Variants in NCALD observed in about 807,000 individuals in gnomAD.
The protein encoded by NCALD is neurocalcin delta, also known as neurocalcin-delta.
In NCALD, 10 loss-of-function variants were observed where a neutral mutation model predicts 18.6. The observed-to-expected ratio is 0.54, with a 90% CI of 0.33 to 0.91. The LOEUF is 0.91. Ranked by LOEUF, NCALD falls within the 40% of genes least tolerant of loss-of-function variation. The pLI is 0.03. For missense variants in NCALD, 184 were observed against 247.6 expected (o/e 0.74, Z 1.72); for synonymous variants, 88 against 87.4 (o/e 1.01, Z -0.04).
chr8:101,790,809 C>T (rs942704192), intron 1 of NCALD, 53 bp downstream of exon 1: 5 of 152,158 alleles, frequency 3.3e-5, no homozygotes, highest in Non-Finnish European at 7.4e-5. Flanking sequence ...GAGGGGAAAA[C>T]CACAATGAGC....
At chr8:101,899,434 A>G (rs1018386441) in intron 3 of NCALD, among the ~76,000 whole-genome samples, 2 of 152,010 alleles carry the variant, frequency 1.3e-5, no homozygotes, top group Non-Finnish European at 2.9e-5. Flanking sequence ...TATATTGAAT[A>G]GGAGTGGTGA....
chr8:101,717,528 A>G (rs1359328744), intron 2 of NCALD, among the ~76,000 whole-genome samples: 1 of 152,228 alleles, frequency 6.6e-6, no homozygotes, highest in African/African-American at 2.4e-5. Flanking sequence ...ACTCATATTA[A>G]CAAATAGAAC....
rs76395087 is a variant in NCALD at position 102,060,903 on chromosome 8, T to C, written c.-209-40614A>G. Among the ~76,000 whole-genome samples, 99 of 152,318 alleles carry C rather than the reference T, an allele frequency of 6.5e-4. 3 individuals are homozygous for C. The East Asian group carries it at 0.019, about 29-fold the overall frequency. On this transcript the variant is annotated intron_variant, in intron 1 of 6. Coordinates refer to the NCALD transcript ENST00000311028. ...CTTCCAAAACATACCTAAAATTCTC[T>C]TCCATCTCTGCATGGCTTGGCAGCA...
chr8:101,914,366 T>C (rs928184699), intron 3 of NCALD, among the ~76,000 whole-genome samples: 3 of 152,228 alleles, frequency 2.0e-5, no homozygotes, highest in East Asian at 1.9e-4. Flanking sequence ...CAAGGGTACC[T>C]ACTACCAATG....
intron 1 of NCALD, among the ~76,000 whole-genome samples, chr8:101,736,652 C>CA (rs1809931142): frequency 6.6e-6 from 1 of 152,098 alleles, no homozygotes; most frequent in South Asian, 2.1e-4. Flanking sequence ...AGCTATGGCT[C>CA]AGAGTTCAGG....
At chr8:101,986,919 C>T (rs181141733) in intron 2 of NCALD, among the ~76,000 whole-genome samples, 2 of 152,268 alleles carry the variant, frequency 1.3e-5, no homozygotes, top group Admixed American at 6.5e-5. Flanking sequence ...GGAGCGAAGA[C>T]TCTCCAGCAG....
At chr8:101,813,615 T>C (rs887535988) in intron 4 of NCALD, among the ~76,000 whole-genome samples, 11 of 152,122 alleles carry the variant, frequency 7.2e-5, no homozygotes, top group Admixed American at 7.2e-4. Flanking sequence ...AGTGAACATA[T>C]TTTCTATTGG....
In NCALD at chr8:101,692,958, C is replaced by G. The variant is rs528431681; in HGVS notation, c.379-62G>C. On this transcript the variant is annotated intron_variant, in intron 2 of 3. Coordinates refer to ENST00000220931, the MANE Select transcript of NCALD (RefSeq NM_032041.3). ...ACAGTATGGCACACAATAGACCTAT[C>G]ATTAAACCTCCCAAATGCGGGCTGA... The G allele has an allele frequency of 4.0e-5, 49 of 1,212,482 alleles. No individual in the cohort carries two copies. In the African/African-American group the frequency reaches 6.6e-4, roughly 16 times the overall value. 75.1% of individuals were successfully genotyped at this position (1,212,482 alleles called of 1,614,324 possible).
intron 4 of NCALD, among the ~76,000 whole-genome samples, chr8:101,875,979 C>G (rs921514709): frequency 1.3e-5 from 2 of 152,326 alleles, no homozygotes; most frequent in African/African-American, 4.8e-5. Context: ...CCTCTCTTTC[C>G]TCTCAAAATT....
chr8:101,775,865 C>T (rs1369752506), intron 1 of NCALD, among the ~76,000 whole-genome samples: 2 of 152,204 alleles, frequency 1.3e-5, no homozygotes, highest in African/African-American at 4.8e-5. Context: ...ATTAGGATAA[C>T]CTAGCATTTC....
intron 2 of NCALD, among the ~76,000 whole-genome samples, chr8:101,702,142 C>T (rs886485341): frequency 3.9e-5 from 6 of 152,042 alleles, no homozygotes; most frequent in South Asian, 2.1e-4. Context: ...ACTCAGAAAA[C>T]GAAGCAAAAC....
chr8:101,876,171 C>G (rs1018642336), intron 4 of NCALD, among the ~76,000 whole-genome samples: 3 of 152,154 alleles, frequency 2.0e-5, no homozygotes, highest in African/African-American at 7.2e-5. Context: ...TGTATAGTTG[C>G]TATTCTAATT....
At chr8:101,950,759 A>G (rs1819383294) in intron 2 of NCALD, among the ~76,000 whole-genome samples, 1 of 152,242 alleles carries the variant, frequency 6.6e-6, no homozygotes, top group African/African-American at 2.4e-5. Context: ...CAAGAAGAAT[A>G]AGCCACATGG....
chr8:101,904,484 A>G (rs990335651), intron 3 of NCALD, among the ~76,000 whole-genome samples: 18 of 152,044 alleles, frequency 1.2e-4, no homozygotes, highest in Non-Finnish European at 2.6e-4. Flanking sequence ...CCCTCCGTTT[A>G]TATCCTGGTC....
intron 4 of NCALD, among the ~76,000 whole-genome samples, chr8:101,861,260 G>A (rs1030605377): frequency 2.6e-5 from 4 of 152,100 alleles, no homozygotes; most frequent in Non-Finnish European, 2.9e-5. Flanking sequence ...GATTTGGGTT[G>A]TCGGTGGAGC....
At chr8:101,754,776 A>C (rs9693504) in intron 1 of NCALD, among the ~76,000 whole-genome samples, 4 of 151,606 alleles carry the variant, frequency 2.6e-5, no homozygotes, top group Non-Finnish European at 4.4e-5. Context: ...ACCTGAACCC[A>C]GGTGTCTCTC....
At chr8:102,051,839 A>C (rs1823470069) in intron 1 of NCALD, among the ~76,000 whole-genome samples, 1 of 152,256 alleles carries the variant, frequency 6.6e-6, no homozygotes, top group Non-Finnish European at 1.5e-5. Context: ...TCATTACTTC[A>C]GTATGTTTAA....
chr8:102,050,196 T>TAA (rs1223976322), intron 1 of NCALD, among the ~76,000 whole-genome samples: 1 of 86,760 alleles, frequency 1.2e-5, no homozygotes, highest in Admixed American at 1.3e-4. Context: ...AAAAAAAAAA[T>TAA]TGAGCTGTTT....
At chr8:101,925,156 T>C (rs1011895388) in intron 2 of NCALD, among the ~76,000 whole-genome samples, 1 of 152,000 alleles carries the variant, frequency 6.6e-6, no homozygotes, top group African/African-American at 2.4e-5. Flanking sequence ...AAAAACATTA[T>C]AGAGTATCCA....
Sources: gnomAD v4.1 joint callset for allele counts (sites outside exome capture counted in the v4.1 genomes callset) on GRCh38, gnomAD v4.1.1 for gene constraint, MANE v1.5 for transcripts, NCBI Gene and HGNC (gene_info 2026-07-23, HGNC 2026-07-21) for gene names.